Variants in USH2A observed in about 807,000 individuals in gnomAD.
USH2A encodes the protein Usher syndrome 2A (autosomal recessive, mild).
In USH2A, 443 loss-of-function variants were observed where a neutral mutation model predicts 538.9. The ratio of observed to expected loss-of-function variants is 0.82; its 90% CI spans 0.76 to 0.89. USH2A has a LOEUF of 0.89. Among genes scored for constraint, USH2A ranks in the 40% least tolerant of loss-of-function variants. The probability of loss-of-function intolerance (pLI) is 0.00; values close to 1 mark genes in which losing one functional copy is unlikely to be tolerated. For missense variants in USH2A, 6,633 were observed against 6,324.8 expected, an observed-to-expected ratio of 1.05 and a Z score of -1.65; for synonymous variants, 2,413 against 2,273.5, an observed-to-expected ratio of 1.06 and a Z score of -1.75.
At chr1:216,086,118 G>T (rs2032126173) in intron 24 of USH2A, among the ~76,000 whole-genome samples, 1 of 152,000 alleles carries the variant, frequency 6.6e-6, no homozygotes, top group Non-Finnish European at 1.5e-5. Context: ...TTCCATTCAT[G>T]TTCATTTTAA....
In USH2A at chr1:215,671,189, T is replaced by C; in HGVS notation, c.13916A>G (p.His4639Arg). The C allele has an allele frequency of 6.2e-7, 1 of 1,614,054 alleles. No homozygotes were observed. The highest frequency in any genetic ancestry group is 8.5e-7 in the Non-Finnish European group (1 of 1,179,982). Reference protein sequence around the residue: ...EIAPLMQPPPHLEVQMAPGGF... With the variant: ...EIAPLMQPPPRLEVQMAPGGF... ...TCCTGGAGCCATTTGTACCTCCAGA[T>C]GTGGAGGGGGTTGCATCAAAGGTGC... Residue 4639 changes from histidine to arginine, a missense_variant, in exon 64 of 72, where the codon CAT becomes CGT. By Grantham distance (29) the His-to-Arg change is conservative. Transcript: ENST00000307340.
At chr1:216,039,055 A>C (rs1400399463) in intron 32 of USH2A, among the ~76,000 whole-genome samples, 1 of 152,066 alleles carries the variant, frequency 6.6e-6, no homozygotes, top group African/African-American at 2.4e-5. Context: ...GCATTATAGA[A>C]GCACCTTAAT....
intron 2 of USH2A, among the ~76,000 whole-genome samples, chr1:216,420,059 T>C (rs965388989): frequency 6.6e-6 from 1 of 152,124 alleles, no homozygotes; most frequent in Non-Finnish European, 1.5e-5. Context: ...TTATATAAAT[T>C]CTACTGCAAA....
chr1:215,866,860 C>T, intron 44 of USH2A, 147 bp downstream of exon 44: 2 of 1,106,874 alleles, frequency 1.8e-6, no homozygotes, highest in Non-Finnish European at 2.6e-6. Flanking sequence ...TTTTCAATGA[C>T]AGCCCTGTCA....
At chr1:216,152,088 A>G (rs962406031) in intron 21 of USH2A, among the ~76,000 whole-genome samples, 5 of 151,888 alleles carry the variant, frequency 3.3e-5, no homozygotes, top group East Asian at 1.9e-4. Context: ...CCCTAATCGC[A>G]CTTGAAGCAG....
intron 41 of USH2A, among the ~76,000 whole-genome samples, chr1:215,885,188 ACTT>A (rs1665015751): frequency 6.6e-6 from 1 of 151,878 alleles, no homozygotes; most frequent in African/African-American, 2.4e-5. Flanking sequence ...GTTAGAAATA[ACTT>A]CTTAATTGTA....
chr1:216,300,998 C>T (rs1412214764), intron 9 of USH2A, among the ~76,000 whole-genome samples: 1 of 152,016 alleles, frequency 6.6e-6, no homozygotes, highest in Non-Finnish European at 1.5e-5. Context: ...GATCCGCCCA[C>T]CTCGGCCTAC....
At chr1:215,627,770 C>T (rs770426838) in intron 71 of USH2A, among the ~76,000 whole-genome samples, 2 of 152,102 alleles carry the variant, frequency 1.3e-5, no homozygotes, top group Admixed American at 6.5e-5. Context: ...CCTCGTGATC[C>T]GCCCACCTCG....
intron 30 of USH2A, among the ~76,000 whole-genome samples, chr1:216,068,676 T>C (rs1245504670): frequency 1.3e-5 from 2 of 152,102 alleles, no homozygotes; most frequent in African/African-American, 2.4e-5. Flanking sequence ...CTTGTGAAGA[T>C]TTCTATTTTT....
intron 37 of USH2A, among the ~76,000 whole-genome samples, chr1:215,952,544 T>A (rs1666948166): frequency 6.6e-6 from 1 of 152,204 alleles, no homozygotes; most frequent in Non-Finnish European, 1.5e-5. Flanking sequence ...TGTTGAATGC[T>A]TCCTTCAGGA....
chr1:215,863,647 GAA>G (rs1382815373), intron 44 of USH2A, among the ~76,000 whole-genome samples: 1 of 142,074 alleles, frequency 7.0e-6, no homozygotes, highest in African/African-American at 2.8e-5. Context: ...AAAATAGGAA[GAA>G]AGAGAGAGAG....
chr1:216,205,798 A>G (rs2035099698), intron 16 of USH2A, among the ~76,000 whole-genome samples: 2 of 152,222 alleles, frequency 1.3e-5, no homozygotes, highest in South Asian at 4.1e-4. Context: ...AAACATGGCT[A>G]GAAGCAAAAA....
chr1:215,647,261 T>C (rs534098111), intron 67 of USH2A, among the ~76,000 whole-genome samples: 19 of 152,332 alleles, frequency 1.2e-4, no homozygotes, highest in East Asian at 3.9e-4. Flanking sequence ...TTTCTTCCCA[T>C]TGATCGTTTA....
intron 3 of USH2A, among the ~76,000 whole-genome samples, chr1:216,372,857 A>G (rs991105093): frequency 1.3e-5 from 2 of 152,178 alleles, no homozygotes; most frequent in Non-Finnish European, 2.9e-5. Context: ...AATTATTTCA[A>G]TATATCATTG....
At chr1:216,048,774 T>C in intron 30 of USH2A, 127 bp from the exon 31 acceptor site, 2 of 826,658 alleles carry the variant, frequency 2.4e-6, no homozygotes, top group Non-Finnish European at 4.2e-6. Flanking sequence ...GAGACAGAAA[T>C]CAAAAACATA....
intron 30 of USH2A, among the ~76,000 whole-genome samples, chr1:216,049,173 T>C (rs1005780645): frequency 2.0e-5 from 3 of 152,254 alleles, no homozygotes; most frequent in African/African-American, 7.2e-5. Context: ...CATTTGTTTA[T>C]GTTGTAGCTA....
At chr1:215,840,475 A>C (rs1353739575) in intron 46 of USH2A, among the ~76,000 whole-genome samples, 3 of 152,088 alleles carry the variant, frequency 2.0e-5, no homozygotes, top group African/African-American at 7.2e-5. Context: ...CTAATAACAA[A>C]ATTCTATTAT....
intron 4 of USH2A, among the ~76,000 whole-genome samples, chr1:216,356,628 A>G (rs2038396450): frequency 6.6e-6 from 1 of 152,054 alleles, no homozygotes; most frequent in Non-Finnish European, 1.5e-5. Context: ...ACCCATTGCC[A>G]TGTACATAGA....
At chr1:216,337,662 G>A (rs759316592) in intron 4 of USH2A, among the ~76,000 whole-genome samples, 32 of 151,250 alleles carry the variant, frequency 2.1e-4, no homozygotes, top group Non-Finnish European at 4.3e-4. Flanking sequence ...ATTGTTAAAG[G>A]AATGTCTAGA....
Sources: allele counts gnomAD v4.1 joint callset (sites outside exome capture counted in the v4.1 genomes callset), GRCh38; gene constraint gnomAD v4.1.1; transcripts MANE v1.5; gene names NCBI Gene and HGNC (gene_info 2026-07-23, HGNC 2026-07-21).